The following SHPRH variants were observed in gnomAD, a reference collection of about 807,000 sequenced individuals.
SHPRH encodes the protein E3 ubiquitin-protein ligase SHPRH.
In SHPRH, 106 loss-of-function variants were observed where a neutral mutation model predicts 202.5. The ratio of observed to expected loss-of-function variants is 0.52; its 90% CI spans 0.45 to 0.62. The LOEUF (loss-of-function observed/expected upper bound fraction) is 0.62, where lower values mean the gene tolerates loss of function less well. SHPRH is among the 20% of genes least tolerant of loss of function. SHPRH has a pLI of 0.00. For synonymous variants in SHPRH, 729 were observed against 686.0 expected, an observed-to-expected ratio of 1.06 and a Z score of -0.98; for missense variants, 1,710 against 2,020.0, an observed-to-expected ratio of 0.85 and a Z score of 2.94.
intron 24 of SHPRH, among the ~76,000 whole-genome samples, chr6:145,911,963 A>G (rs1365080673): frequency 6.6e-6 from 1 of 152,032 alleles, no homozygotes; most frequent in East Asian, 1.9e-4. Context: ...GCAGCACTAT[A>G]TTGTACTTTA....
chr6:145,919,453 C>A lies in SHPRH; in HGVS notation c.4047G>T (p.Val1349=). ...CCATTGCAAGTTCATCAACAGCAGA[C>A]ACACGATTCCTCAGAGCCATCCAAT... ...HEYWMALRNR[V]SAVDELAMAT... Residue 1349 remains valine (V), a synonymous_variant, in exon 22 of 30, where the codon GTG becomes GTT. Transcript: ENST00000275233. 1 of 1,613,096 alleles carries A rather than the reference C, an allele frequency of 6.2e-7. No homozygotes were observed. Among genetic ancestry groups the A allele is most frequent in the Non-Finnish European group, 8.5e-7 (1 of 1,179,368 alleles).
rs751575454 is a variant in SHPRH at position 145,954,911 on chromosome 6, T to A, written c.412A>T (p.Ile138Phe). The change falls in exon 2 of 30, where the codon ATT becomes TTT. Residue 138 changes from isoleucine (I) to phenylalanine (F), a missense_variant. Coordinates refer to ENST00000275233, the MANE Select transcript of SHPRH (RefSeq NM_001042683.3). Reference protein sequence around the residue: ...SLIENFSERSITLMSSESSNQ... With the variant: ...SLIENFSERSFTLMSSESSNQ... ...CTTGACTCTGAACTCATCAATGTAA[T>A]ACTCCTTTCGGAAAAATTTTCAATT... 2.4e-5 allele frequency: 39 copies of A among 1,613,706 alleles called. No homozygotes were observed. Among genetic ancestry groups the A allele is most frequent in the Non-Finnish European group, 8.5e-7 (1 of 1,179,884 alleles).
At chr6:145,942,923 A>G (rs1786949063) in intron 9 of SHPRH, among the ~76,000 whole-genome samples, 2 of 152,184 alleles carry the variant, frequency 1.3e-5, no homozygotes, top group African/African-American at 4.8e-5. Flanking sequence ...CTTTATACTC[A>G]AAATGCTTTA....
intron 4 of SHPRH, 82 bp from the exon 5 acceptor site, chr6:145,948,432 A>T: frequency 9.3e-7 from 1 of 1,070,464 alleles, no homozygotes; most frequent in Non-Finnish European, 1.4e-6. Context: ...ATAGGTTAAC[A>T]GTGAGGATAC....
At chr6:145,935,698 A>G (rs139790286) in intron 11 of SHPRH, 227 of 321,354 alleles carry the variant, frequency 7.1e-4, no homozygotes, top group African/African-American at 4.3e-3. Context: ...CTTATACTTA[A>G]TTCAAAAATC....
At chr6:145,884,160 A>G (rs1780794134), downstream of SHPRH, 1 of 139,154 alleles carries the variant, frequency 7.2e-6, no homozygotes, top group African/African-American at 2.5e-5. Flanking sequence ...CATTATTTGT[A>G]AAGTATTAGT....
At chr6:145,931,754 TTCATA>T (rs1785474979) in intron 14 of SHPRH, among the ~76,000 whole-genome samples, 1 of 152,198 alleles carries the variant, frequency 6.6e-6, no homozygotes, top group Non-Finnish European at 1.5e-5. Context: ...ACAGTCTACC[TTCATA>T]TAATATTATA....
chr6:145,923,410 CTAAAG>C (rs929330813), intron 18 of SHPRH, among the ~76,000 whole-genome samples: 1 of 151,626 alleles, frequency 6.6e-6, no homozygotes, highest in Non-Finnish European at 1.5e-5. Context: ...ATTAAAGTAA[CTAAAG>C]TAACAAAGGT....
intron 25 of SHPRH, chr6:145,904,111 C>T (rs1298914291): frequency 2.6e-5 from 4 of 152,010 alleles, no homozygotes; most frequent in African/African-American, 9.7e-5. Flanking sequence ...AAAATGTCTA[C>T]TACTAATAAA....
chr6:145,859,193 G>T, the SHPRH span, among the ~76,000 whole-genome samples: 1 of 151,986 alleles, frequency 6.6e-6, no homozygotes, highest in Non-Finnish European at 1.5e-5. Context: ...TTGAAGAAAT[G>T]AATCCCAATT....
rs550550141 is a variant in SHPRH, at chr6:145,904,536, C to G, written c.4515+5912G>C. The G allele has an allele frequency of 5.3e-5, 8 of 152,292 alleles. No homozygotes were observed. In the South Asian group the frequency reaches 1.2e-3, roughly 24 times the overall value. The allele number at this position is 152,292 out of a possible 1,614,324, so 9.4% of individuals were successfully genotyped here. A position where few individuals can be genotyped will look rare whatever the true frequency, so the allele number is the denominator to read the frequency against. ...GGGTGAAGTCTCAGAATACAATAAG[C>G]TGATGTTTCAAGGAGGAAGTGACAG... On this transcript the variant is annotated intron_variant, in intron 25 of 29. Transcript: ENST00000275233.
intron 16 of SHPRH, 67 bp downstream of exon 16, chr6:145,926,137 T>C: frequency 1.5e-6 from 2 of 1,321,460 alleles, no homozygotes; most frequent in Non-Finnish European, 2.2e-6. Context: ...CTAGGATATA[T>C]CAACTATATG....
chr6:145,926,143 A>C (rs1164005441), intron 16 of SHPRH, 61 bp downstream of exon 16: 1 of 1,352,350 alleles, frequency 7.4e-7, no homozygotes, highest in African/African-American at 1.4e-5. Flanking sequence ...TATATCAACT[A>C]TATGGAGCAT....
At chr6:145,915,170 T>C (rs927916030) in intron 23 of SHPRH, among the ~76,000 whole-genome samples, 24 of 147,810 alleles carry the variant, frequency 1.6e-4, no homozygotes, top group Admixed American at 6.1e-4. Flanking sequence ...TAATTATAAA[T>C]ATAAATATTA....
intron 2 of SHPRH, among the ~76,000 whole-genome samples, chr6:145,865,130 TGTTA>T (rs771467745): frequency 7.2e-5 from 11 of 152,362 alleles, no homozygotes; most frequent in South Asian, 6.2e-4. Flanking sequence ...GGCTTAAGCC[TGTTA>T]GTTAGTTCAC....
intron 2 of SHPRH, among the ~76,000 whole-genome samples, chr6:145,869,378 T>C (rs1283542488): frequency 6.6e-6 from 1 of 152,244 alleles, no homozygotes; most frequent in East Asian, 1.9e-4. Context: ...TGTTTTGGAT[T>C]GTGCCTCGGG....
intron 1 of SHPRH, among the ~76,000 whole-genome samples, chr6:145,960,834 G>C (rs1450270662): frequency 6.6e-6 from 1 of 152,148 alleles, no homozygotes; most frequent in Non-Finnish European, 1.5e-5. Flanking sequence ...CCATAAATGG[G>C]TTTCATGGAA....
At chr6:145,940,833 A>T in intron 10 of SHPRH, 32 bp from the exon 11 acceptor site, 1 of 1,609,188 alleles carries the variant, frequency 6.2e-7, no homozygotes, top group African/African-American at 1.3e-5. Flanking sequence ...ATAAAAATGA[A>T]ATCCAGAAAA....
Position 145,955,336 on chromosome 6 carries a change from T to C in SHPRH, c.-14A>G, listed in dbSNP as rs1050759699. 1.1e-5 allele frequency: 18 copies of C among 1,585,814 alleles called. No homozygotes were observed. In the Admixed American group the frequency reaches 2.0e-4, roughly 18 times the overall value. ...TCGGCTGCTCATTTTCAAGTTTTCT[T>C]GGCTGGTAACTGTGAACTCTAGAGG... On this transcript the variant is annotated 5_prime_UTR_variant, in exon 2 of 30. Coordinates refer to ENST00000275233, the MANE Select transcript of SHPRH (RefSeq NM_001042683.3).
Sources: allele counts gnomAD v4.1 joint callset (sites outside exome capture counted in the v4.1 genomes callset), GRCh38; gene constraint gnomAD v4.1.1; transcripts MANE v1.5; gene names NCBI Gene and HGNC (gene_info 2026-07-23, HGNC 2026-07-21).